Variants in GRAP2 observed in about 807,000 individuals in gnomAD.
GRAP2 encodes GRB2-related adapter protein 2.
A neutral mutation model predicts 43.5 loss-of-function variants in GRAP2; 31 were observed. That is an observed-to-expected ratio of 0.71 (90% confidence interval 0.54 to 0.96). The LOEUF (loss-of-function observed/expected upper bound fraction) is 0.96. Among genes scored for constraint, GRAP2 ranks in the 40% least tolerant of loss-of-function variants. The pLI, the probability that GRAP2 is intolerant of heterozygous loss-of-function variation, is 0.00. For missense variants in GRAP2, 371 were observed against 424.4 expected, an observed-to-expected ratio of 0.87 and a Z score of 1.11; for synonymous variants, 156 against 164.8, an observed-to-expected ratio of 0.95 and a Z score of 0.41.
Position 39,971,070 on chromosome 22 carries a change from C to T in GRAP2, c.979C>T (p.Pro327Ser), listed in dbSNP as rs757386785. The T allele has an allele frequency of 6.2e-7, 1 of 1,611,856 alleles. No individual in the cohort carries two copies. The highest frequency in any genetic ancestry group is 8.5e-7 in the Non-Finnish European group (1 of 1,178,696). Residue 327 changes from proline (P) to serine (S), a missense_variant, in exon 8 of 8, where the codon CCC becomes TCC. Physicochemically the swap from Pro to Ser is moderately conservative, Grantham distance 74. Coordinates refer to ENST00000344138, the MANE Select transcript of GRAP2 (RefSeq NM_004810.4). ...CCTCTTCCCTGCCAACTACGTGGCA[C>T]CCATGACCCGATAAACTCTTCAGGG... ...LGLFPANYVA[P>S]MTR is the part of the protein sequence containing the mutation.
intron 1 of GRAP2, among the ~76,000 whole-genome samples, chr22:39,929,586 C>T (rs1194196824): frequency 1.3e-5 from 2 of 152,142 alleles, no homozygotes; most frequent in Non-Finnish European, 2.9e-5. Flanking sequence ...AGGGGAGATG[C>T]GTCTCCTGCT....
At chr22:39,905,568 T>G (rs937632697) in intron 1 of GRAP2, among the ~76,000 whole-genome samples, 7 of 152,182 alleles carry the variant, frequency 4.6e-5, no homozygotes, top group African/African-American at 1.4e-4. Flanking sequence ...AGTAAACGAT[T>G]TATACATTTA....
chr22:39,901,364 T>C (rs2066491464), intron 1 of GRAP2, 34 bp downstream of exon 1: 1 of 745,314 alleles, frequency 1.3e-6, no homozygotes, highest in African/African-American at 1.8e-5. Flanking sequence ...ACATATACTC[T>C]AGAAACTTTG....
intron 1 of GRAP2, among the ~76,000 whole-genome samples, chr22:39,923,974 G>A (rs904259231): frequency 2.6e-5 from 4 of 152,108 alleles, no homozygotes; most frequent in East Asian, 1.9e-4. Context: ...AAAATCCCAC[G>A]TGCTGCTCAC....
chr22:39,917,131 A>G (rs542456611), intron 1 of GRAP2, among the ~76,000 whole-genome samples: 7 of 152,306 alleles, frequency 4.6e-5, no homozygotes, highest in African/African-American at 1.7e-4. Context: ...TGATGACAGC[A>G]GAGTGTAATT....
At chr22:39,946,668 G>A (rs1164635724) in intron 1 of GRAP2, 5 of 158,956 alleles carry the variant, frequency 3.1e-5, no homozygotes, top group Non-Finnish European at 6.9e-5. Flanking sequence ...AACACTGCCT[G>A]GTTAAATATA....
At chr22:39,942,332 G>C (rs2066879774) in intron 1 of GRAP2, among the ~76,000 whole-genome samples, 1 of 152,110 alleles carries the variant, frequency 6.6e-6, no homozygotes, top group Admixed American at 6.5e-5. Context: ...GAACAACAAG[G>C]CTGTGGATTC....
At chr22:39,915,052 G>C (rs925541422) in intron 1 of GRAP2, among the ~76,000 whole-genome samples, 7 of 151,652 alleles carry the variant, frequency 4.6e-5, no homozygotes, top group Non-Finnish European at 1.0e-4. Context: ...AGCTGGATGT[G>C]GTGGTGGGTG....
rs535574658 is a variant in GRAP2 at position 39,956,753 on chromosome 22, G to A, written c.170+843G>A. On this transcript the variant is annotated intron_variant, in intron 3 of 7. Coordinates refer to ENST00000344138, the MANE Select transcript of GRAP2 (RefSeq NM_004810.4). ...CAAAGTGCTGGGATTACAGGTGTGA[G>A]CCACTGCACCCGGCCTATTTTAAGT... 1.7e-3 allele frequency among the ~76,000 whole-genome samples: 253 copies of A among 152,328 alleles called. 3 individuals carry two copies. The highest frequency in any genetic ancestry group is 4.5e-3 in the African/African-American group (187 of 41,574).
At chr22:39,940,363 G>T (rs1224807074) in intron 1 of GRAP2, among the ~76,000 whole-genome samples, 1 of 148,268 alleles carries the variant, frequency 6.7e-6, no homozygotes. Context: ...GTGAGGCCCA[G>T]CCTGTTTTGT....
intron 1 of GRAP2, among the ~76,000 whole-genome samples, chr22:39,923,034 T>G (rs2066666994): frequency 7.4e-6 from 1 of 135,858 alleles, no homozygotes; most frequent in South Asian, 2.3e-4. Flanking sequence ...AGAGTGAGAT[T>G]CAGTTAAAAA....
At chr22:39,931,578 T>C (rs1045380074) in intron 1 of GRAP2, among the ~76,000 whole-genome samples, 2 of 152,226 alleles carry the variant, frequency 1.3e-5, no homozygotes, top group African/African-American at 4.8e-5. Context: ...ACGATGGGAC[T>C]AGTAATAATT....
intron 2 of GRAP2, among the ~76,000 whole-genome samples, chr22:39,955,314 C>T (rs1254792986): frequency 6.6e-6 from 1 of 151,806 alleles, no homozygotes; most frequent in Non-Finnish European, 1.5e-5. Context: ...GCTGAGATCC[C>T]GCCACTGCAC....
At chr22:39,896,443 A>G (rs1032475464), upstream of GRAP2, among the ~76,000 whole-genome samples, 5 of 152,212 alleles carry the variant, frequency 3.3e-5, no homozygotes, top group African/African-American at 7.2e-5. Flanking sequence ...CAAGATGAAC[A>G]TGATCCGAGG....
At chr22:39,954,415 T>A (rs1236201550) in intron 2 of GRAP2, among the ~76,000 whole-genome samples, 2 of 152,200 alleles carry the variant, frequency 1.3e-5, no homozygotes, top group South Asian at 2.1e-4. Flanking sequence ...ATTTTTTTTT[T>A]GAGAGAGGCT....
chr22:39,914,817 C>T (rs985921395), intron 1 of GRAP2, among the ~76,000 whole-genome samples: 2 of 152,078 alleles, frequency 1.3e-5, no homozygotes, highest in Non-Finnish European at 2.9e-5. Flanking sequence ...ACAGAACGTA[C>T]GTACGTCAAA....
chr22:39,934,720 C>T (rs1889726224), intron 1 of GRAP2, among the ~76,000 whole-genome samples: 1 of 152,052 alleles, frequency 6.6e-6, no homozygotes, highest in African/African-American at 2.4e-5. Flanking sequence ...AATTCCCAAA[C>T]AGCAGCGGGG....
intron 6 of GRAP2, among the ~76,000 whole-genome samples, chr22:39,969,051 T>A (rs1242199073): frequency 2.6e-5 from 4 of 152,192 alleles, no homozygotes; most frequent in African/African-American, 9.7e-5. Context: ...AGACATTTCT[T>A]CTCTCTGCTC....
chr22:39,910,786 A>G (rs1401537353), intron 1 of GRAP2, among the ~76,000 whole-genome samples: 1 of 151,920 alleles, frequency 6.6e-6, no homozygotes, highest in African/African-American at 2.4e-5. Flanking sequence ...ATGTAAAGAC[A>G]TTTATTTCTA....
Sources: gnomAD v4.1 joint callset for allele counts (sites outside exome capture counted in the v4.1 genomes callset) on GRCh38, gnomAD v4.1.1 for gene constraint, MANE v1.5 for transcripts, NCBI Gene and HGNC (gene_info 2026-07-23, HGNC 2026-07-21) for gene names.